The following CACNA1I variants were observed in gnomAD, a reference collection of about 807,000 sequenced individuals.
CACNA1I encodes calcium voltage-gated channel subunit alpha1 I.
In CACNA1I, 74 loss-of-function variants were observed where a neutral mutation model predicts 201.6. The ratio of observed to expected loss-of-function variants is 0.37; its 90% confidence interval spans 0.30 to 0.45. The LOEUF (loss-of-function observed/expected upper bound fraction) is 0.45, where lower values mean the gene tolerates loss of function less well. Among genes scored for constraint, CACNA1I ranks in the 20% least tolerant of loss-of-function variants. The pLI is 1.00. For synonymous variants in CACNA1I, 1,431 were observed against 1,345.2 expected, an observed-to-expected ratio of 1.06 and a Z score of -1.40; for missense variants, 2,346 against 3,138.1, an observed-to-expected ratio of 0.75 and a Z score of 6.03.
At chr22:39,601,641 T>C (rs1933034498) in intron 3 of CACNA1I, among the ~76,000 whole-genome samples, 1 of 152,032 alleles carries the variant, frequency 6.6e-6, no homozygotes, top group African/African-American at 2.4e-5. Context: ...TGTAGAATGC[T>C]ATTGAGGAGG....
rs1404155103 is a variant in CACNA1I, at chr22:39,659,099, C to A, written c.2313C>A (p.Leu771=). The A allele has an allele frequency of 9.3e-6, 15 of 1,612,778 alleles. No homozygotes were observed. Among genetic ancestry groups the A allele is most frequent in the Non-Finnish European group, 1.2e-5 (14 of 1,179,680 alleles). ...CCACCTTCTGCATGCTGCTCATGCT[C>A]TTCATCTTCATCTTCAGGTGAGCCT... ...NVATFCMLLM[L]FIFIFSILGM... Residue 771 remains leucine (L), a synonymous_variant, in exon 12 of 37, where the codon CTC becomes CTA. Coordinates refer to ENST00000402142, the MANE Select transcript of CACNA1I (RefSeq NM_021096.4). The surrounding 1 kb of genome is among the most constrained non-coding windows in gnomAD (Gnocchi z 4.3).
intron 1 of CACNA1I, among the ~76,000 whole-genome samples, chr22:39,585,986 T>C (rs1329619295): frequency 5.3e-5 from 8 of 151,884 alleles, no homozygotes; most frequent in Admixed American, 6.6e-5. Context: ...GAGACTCTCC[T>C]GGCCAACATG....
At chr22:39,627,098 C>A (rs1933919594) in intron 4 of CACNA1I, among the ~76,000 whole-genome samples, 1 of 152,200 alleles carries the variant, frequency 6.6e-6, no homozygotes, top group African/African-American at 2.4e-5. Context: ...CCTTTCCGTT[C>A]TTTTAGCGTG....
At chr22:39,668,519 C>T in intron 24 of CACNA1I, 138 bp downstream of exon 24, 2 of 633,888 alleles carry the variant, frequency 3.2e-6, no homozygotes, top group South Asian at 3.7e-5. Flanking sequence ...ACAGCCCACT[C>T]CTCACATCCT....
intron 10 of CACNA1I, chr22:39,656,851 G>A (rs1457978607): frequency 2.2e-5 from 11 of 494,904 alleles, no homozygotes; most frequent in Non-Finnish European, 4.5e-5. Flanking sequence ...CTTGTGTTGG[G>A]CGTCAAATCA....
intron 1 of CACNA1I, among the ~76,000 whole-genome samples, chr22:39,588,062 CTG>C (rs1394737230): frequency 2.6e-5 from 4 of 151,460 alleles, no homozygotes; most frequent in Non-Finnish European, 2.9e-5. Context: ...AGGTAAGACA[CTG>C]TGCTGGCTGA....
intron 3 of CACNA1I, among the ~76,000 whole-genome samples, chr22:39,604,518 T>C (rs970904761): frequency 1.3e-5 from 2 of 152,122 alleles, no homozygotes; most frequent in Non-Finnish European, 2.9e-5. Flanking sequence ...CAAGGGGCCC[T>C]GCATCTTCAG....
chr22:39,629,616 C>T lies in CACNA1I; in HGVS notation c.581-4949C>T, dbSNP rs1933999027. On this transcript the variant is annotated intron_variant, in intron 4 of 36. Coordinates refer to ENST00000402142, the MANE Select transcript of CACNA1I (RefSeq NM_021096.4). This position sits in a 1 kb window ranked among gnomAD's most constrained non-coding sequence, Gnocchi z 4.8. The stretch of plus-strand genomic sequence containing the variant: ...GGCCGTGAGGGTGGTGGAGAGGGCC[C>T]AGTGTCTGGCCTGGGCCATCTCAAC... 6.6e-6 allele frequency among the ~76,000 whole-genome samples: 1 copy of T among 152,134 alleles called. No homozygotes were observed. The highest frequency in any genetic ancestry group is 1.5e-5 in the Non-Finnish European group (1 of 68,010).
In CACNA1I at chr22:39,648,606, T is replaced by C. The variant is rs770172054; in HGVS notation, c.1567+680T>C. Reference sequence around the variant, plus strand: ...GTGTGAATGAGCCAGGGGTGCTTATTCAGGGCTTGGGAGGCATCTGGAGGC... The same window carrying C: ...GTGTGAATGAGCCAGGGGTGCTTATCCAGGGCTTGGGAGGCATCTGGAGGC... On this transcript the variant is annotated intron_variant, in intron 9 of 36. Transcript: ENST00000402142. The surrounding 1 kb of genome is among the most constrained non-coding windows in gnomAD (Gnocchi z 5.4). Among the ~76,000 whole-genome samples, 22 of 152,114 alleles carry C rather than the reference T, an allele frequency of 1.4e-4. No individual in the cohort carries two copies. The highest frequency in any genetic ancestry group is 2.5e-4 in the Non-Finnish European group (17 of 67,996).
chr22:39,662,164 C>A lies in CACNA1I; in HGVS notation c.3101C>A (p.Thr1034Asn), dbSNP rs368690693. Reference protein sequence around the residue: ...EGPPRAAPLHTPHAHHIHHGP... With the variant: ...EGPPRAAPLHNPHAHHIHHGP... ...CCGCCGCGGGCCGCACCCCTGCACA[C>A]CCCACACGCCCACCACATTCATCAC... Residue 1034 changes from threonine (T) to asparagine (N), a missense_variant, in exon 17 of 37, where the codon ACC becomes AAC. By Grantham distance (65) the Thr-to-Asn change is moderately conservative (BLOSUM62 0). Around this residue, in one of 13 missense-constraint regions of CACNA1I, gnomAD observed 288 missense variants for 255.2 expected, o/e 1.13. Coordinates refer to ENST00000402142, the MANE Select transcript of CACNA1I (RefSeq NM_021096.4). 2 of 1,531,518 alleles carry A rather than the reference C, an allele frequency of 1.3e-6. No homozygotes were observed. Among genetic ancestry groups the A allele is most frequent in the Non-Finnish European group, 1.8e-6 (2 of 1,142,272 alleles). The allele number at this position is 1,531,518 out of a possible 1,614,324, so 94.9% of individuals were successfully genotyped here. A position where few individuals can be genotyped will look rare whatever the true frequency, so the allele number is the denominator to read the frequency against.
intron 10 of CACNA1I, among the ~76,000 whole-genome samples, chr22:39,654,312 C>T (rs1430964643): frequency 2.0e-5 from 3 of 152,230 alleles, no homozygotes; most frequent in Non-Finnish European, 2.9e-5. Context: ...CAGGCCCTGA[C>T]TCCCCCTGAG....
rs60658758 is a variant in CACNA1I at position 39,649,532 on chromosome 22, G to A, written c.1599G>A (p.Ala533=). The A allele has an allele frequency of 3.4e-3, 5,270 of 1,559,252 alleles. 23 individuals carry two copies. The highest frequency in any genetic ancestry group is 0.029 in the Middle Eastern group (170 of 5,838). Residue 533 remains alanine, a synonymous_variant, in exon 10 of 37, where the codon GCG becomes GCA. Coordinates refer to ENST00000402142, the MANE Select transcript of CACNA1I (RefSeq NM_021096.4). This position sits in a 1 kb window ranked among gnomAD's most constrained non-coding sequence, Gnocchi z 7.3. ...GCCCGCAACATAGCCCCCTGGATGC[G>A]ACGCCCCACACCCTGGTGCAGCCCA... The part of the protein sequence containing the change: ...ELCPQHSPLD[A]TPHTLVQPIP...
chr22:39,652,547 C>T (rs894714138), intron 10 of CACNA1I, among the ~76,000 whole-genome samples: 1 of 152,228 alleles, frequency 6.6e-6, no homozygotes, highest in Non-Finnish European at 1.5e-5. Flanking sequence ...ATTACCTCGC[C>T]CCTCTTGTAC....
rs145372464 is a variant in CACNA1I, at chr22:39,677,492, G to T, written c.4933+73G>T. The T allele has an allele frequency of 4.3e-4, 449 of 1,049,214 alleles. 1 individual carries two copies. In the African/African-American group the frequency reaches 6.6e-3, roughly 16 times the overall value. The allele number at this position is 1,049,214 out of a possible 1,614,324, so 65.0% of individuals were successfully genotyped here. On this transcript the variant is annotated intron_variant, in intron 30 of 36. Transcript: ENST00000402142. The surrounding 1 kb of genome is among the most constrained non-coding windows in gnomAD (Gnocchi z 4.8). ...CAGGAGGAACTGGGGGGGCGGGGGA[G>T]GCCTGAGACCCCTGAGCCCGTCACA...
In CACNA1I at chr22:39,620,274, T is replaced by TA. The variant is rs1491042250; in HGVS notation, c.580+867_580+868insA. 4.6e-3 allele frequency among the ~76,000 whole-genome samples: 220 copies of TA among 47,584 alleles called. 1 individual carries two copies. Among genetic ancestry groups the TA allele is most frequent in the African/African-American group, 0.013 (217 of 16,264 alleles). 31.2% of individuals were successfully genotyped at this position (47,584 alleles called of 152,430 possible). On this transcript the variant is annotated intron_variant, in intron 4 of 36. Coordinates refer to ENST00000402142, the MANE Select transcript of CACNA1I (RefSeq NM_021096.4). ...ATCCATCCATCCATCCATCCATCCA[T>TA]CCATACGTACATACATACATCTGCT...
At position 39,689,723 on chromosome 22, in the gene CACNA1I, G is replaced by A. The variant is rs1935982298; in HGVS notation, c.*3318G>A. On this transcript the variant is annotated 3_prime_UTR_variant, in exon 37 of 37. Transcript: ENST00000402142. ...TGTTGTTTTGAATAAAAGCCCAGAA[G>A]CCTATTTAAGAATTTCTCCGTGTGT... The A allele has an allele frequency of 6.5e-6, 1 of 152,732 alleles. No homozygotes were observed. Among genetic ancestry groups the A allele is most frequent in the South Asian group, 2.1e-4 (1 of 4,830 alleles). The allele number at this position is 152,732 out of a possible 1,614,324, so 9.5% of individuals were successfully genotyped here.
rs1488746187 is a variant in CACNA1I, at chr22:39,679,774, G to C, written c.5447G>C (p.Gly1816Ala). ...TTAATCATCAAGGACTCCTTGGAGG[G>C]GGAGCTGACCATCATCGACAACCTG... is the stretch of plus-strand genomic sequence containing the variant. ...VSLIIKDSLE[G>A]ELTIIDNLSG... is the part of the protein sequence containing the mutation. The change falls in exon 33 of 37, where the codon GGG becomes GCG. Residue 1816 changes from glycine to alanine, a missense_variant. By Grantham distance (60) the Gly-to-Ala change is moderately conservative. This residue lies in a region of CACNA1I where 441 missense variants were observed against 555.6 expected (regional missense o/e 0.79). Transcript: ENST00000402142. 6.2e-7 allele frequency: 1 copy of C among 1,613,068 alleles called. No individual in the cohort carries two copies. The highest frequency in any genetic ancestry group is 8.5e-7 in the Non-Finnish European group (1 of 1,179,612).
chr22:39,611,865 A>G (rs1933395740), intron 3 of CACNA1I, among the ~76,000 whole-genome samples: 1 of 152,152 alleles, frequency 6.6e-6, no homozygotes, highest in Non-Finnish European at 1.5e-5. Flanking sequence ...TGGCCAACCC[A>G]GCATTCTTCC....
intron 5 of CACNA1I, among the ~76,000 whole-genome samples, chr22:39,635,966 TC>T: frequency 6.6e-6 from 1 of 152,182 alleles, no homozygotes; most frequent in South Asian, 2.1e-4. Flanking sequence ...TCCTGTCGGT[TC>T]ATCCGAGGTC....
Sources: gnomAD v4.1 joint callset for allele counts (sites outside exome capture counted in the v4.1 genomes callset) on GRCh38, gnomAD v4.1.1 for gene constraint, gnomAD v4.1.1 regional missense constraint, Gnocchi (gnomAD v3.1) non-coding constraint, MANE v1.5 for transcripts, NCBI Gene and HGNC (gene_info 2026-07-23, HGNC 2026-07-21) for gene names.